The following RAVER2 variants were observed in gnomAD, a reference collection of about 807,000 sequenced individuals.
RAVER2 encodes ribonucleoprotein, PTB binding 2, also known as ribonucleoprotein PTB-binding 2.
In RAVER2, 46 loss-of-function variants were observed where a neutral mutation model predicts 78.1. That is an observed-to-expected ratio of 0.59 (90% CI 0.46 to 0.75). The LOEUF (loss-of-function observed/expected upper bound fraction) is 0.75. Among genes scored for constraint, RAVER2 ranks in the 30% least tolerant of loss-of-function variants. The pLI is 0.00. For synonymous variants in RAVER2, 311 were observed against 313.3 expected (o/e 0.99, Z 0.08); for missense variants, 793 against 837.5 (o/e 0.95, Z 0.66).
chr1:64,805,096 G>A (rs915786532), exon 8 of RAVER2: 3 of 1,612,952 alleles, frequency 1.9e-6, no homozygotes, highest in Non-Finnish European at 2.5e-6. Context: ...TCATGGAGAA[G>A]CACATAAAAG....
intron 4 of RAVER2, 63 bp downstream of exon 4, chr1:64,781,634 C>G: frequency 2.1e-6 from 3 of 1,446,470 alleles, no homozygotes; most frequent in Non-Finnish European, 2.8e-6. Flanking sequence ...CTATTTTAAT[C>G]TATCCAGTCT....
At chr1:64,755,831 T>C (rs1008181155) in intron 1 of RAVER2, among the ~76,000 whole-genome samples, 2 of 137,208 alleles carry the variant, frequency 1.5e-5, no homozygotes, top group African/African-American at 5.5e-5. Context: ...TTTGAAATAA[T>C]CTCAGACTTA....
intron 3 of RAVER2, among the ~76,000 whole-genome samples, chr1:64,779,468 A>G (rs776927807): frequency 8.0e-4 from 122 of 152,028 alleles, no homozygotes; most frequent in Non-Finnish European, 6.6e-4. Flanking sequence ...TCCTAGGTTC[A>G]AGCGATCTTC....
At chr1:64,817,943 T>C (rs1191594579) in intron 11 of RAVER2, among the ~76,000 whole-genome samples, 1 of 152,214 alleles carries the variant, frequency 6.6e-6, no homozygotes, top group African/African-American at 2.4e-5. Flanking sequence ...ACCTTCATTA[T>C]ACAAATGGAG....
intron 2 of RAVER2, among the ~76,000 whole-genome samples, chr1:64,774,301 A>C (rs1652402561): frequency 6.6e-6 from 1 of 152,066 alleles, no homozygotes; most frequent in Non-Finnish European, 1.5e-5. Flanking sequence ...TAGGGTTTTT[A>C]TGGTTTTAGG....
chr1:64,829,465 G>A (rs1654074562), intron 11 of RAVER2, among the ~76,000 whole-genome samples: 1 of 152,174 alleles, frequency 6.6e-6, no homozygotes, highest in African/African-American at 2.4e-5. Context: ...ACCAGCGAAG[G>A]GGCCCTAATG....
chr1:64,768,699 A>G, exon 2 of RAVER2: 1 of 1,560,566 alleles, frequency 6.4e-7, no homozygotes, highest in Non-Finnish European at 8.8e-7. Flanking sequence ...AAATATTGTT[A>G]TGTGGACAGA....
chr1:64,798,776 G>A (rs1200828513), intron 5 of RAVER2, among the ~76,000 whole-genome samples: 2 of 151,944 alleles, frequency 1.3e-5, no homozygotes, highest in Non-Finnish European at 2.9e-5. Flanking sequence ...CTCCACTCAA[G>A]TTTTTTTCCA....
chr1:64,771,357 G>A (rs1330764743), intron 2 of RAVER2, among the ~76,000 whole-genome samples: 1 of 151,636 alleles, frequency 6.6e-6, no homozygotes, highest in African/African-American at 2.4e-5. Context: ...AAATAGAGAT[G>A]TTTTTCAGTC....
intron 7 of RAVER2, 57 bp from the exon 8 acceptor site, chr1:64,804,934 C>T (rs988054026): frequency 4.5e-6 from 7 of 1,558,314 alleles, no homozygotes; most frequent in Non-Finnish European, 5.3e-6. Context: ...ACGTGTGTAG[C>T]TTTTTTTAGG....
exon 12 of RAVER2, chr1:64,832,936 C>CAAA (rs1654206321): frequency 9.7e-6 from 1 of 102,976 alleles, no homozygotes; most frequent in African/African-American, 8.9e-5. Context: ...AACAGAGCTG[C>CAAA]AAAAAGTCAG....
chr1:64,779,992 G>A (rs1652584994), intron 3 of RAVER2, among the ~76,000 whole-genome samples: 1 of 151,972 alleles, frequency 6.6e-6, no homozygotes. Flanking sequence ...TACTGATGCC[G>A]TGGACTTAAA....
At chr1:64,812,921 T>C in intron 10 of RAVER2, 72 bp downstream of exon 10, 1 of 1,165,204 alleles carries the variant, frequency 8.6e-7, no homozygotes, top group South Asian at 1.8e-5. Context: ...TACTTTAATT[T>C]TTGACTTCAT....
chr1:64,759,971 A>G (rs1308288785), intron 1 of RAVER2, among the ~76,000 whole-genome samples: 1 of 152,204 alleles, frequency 6.6e-6, no homozygotes, highest in African/African-American at 2.4e-5. Context: ...ACTTTCTGCT[A>G]GATATTGTGC....
intron 11 of RAVER2, among the ~76,000 whole-genome samples, chr1:64,820,345 T>TTC (rs1313177803): frequency 1.3e-5 from 2 of 152,206 alleles, no homozygotes; most frequent in Non-Finnish European, 2.9e-5. Context: ...TGAACAGTAG[T>TTC]AATAATTATA....
At chr1:64,776,438 C>G (rs1274455287) in intron 2 of RAVER2, among the ~76,000 whole-genome samples, 1 of 152,178 alleles carries the variant, frequency 6.6e-6, no homozygotes, top group Non-Finnish European at 1.5e-5. Flanking sequence ...GTGAGATGCT[C>G]TTACTCTGAG....
chr1:64,806,744 T>G (rs929577166), intron 8 of RAVER2, among the ~76,000 whole-genome samples: 2 of 152,218 alleles, frequency 1.3e-5, no homozygotes, highest in African/African-American at 4.8e-5. Context: ...ACCAAATTTA[T>G]TATTGGAGTC....
intron 1 of RAVER2, among the ~76,000 whole-genome samples, chr1:64,762,120 A>G (rs908692168): frequency 1.3e-5 from 2 of 152,248 alleles, no homozygotes; most frequent in African/African-American, 4.8e-5. Context: ...ATATTTCTGT[A>G]TACTAGCAAT....
chr1:64,805,461 AT>A (rs1263267239), intron 8 of RAVER2, among the ~76,000 whole-genome samples: 1 of 152,144 alleles, frequency 6.6e-6, no homozygotes, highest in African/African-American at 2.4e-5. Context: ...ATTCACTTTT[AT>A]TTTTTAAAAT....
Sources: gnomAD v4.1 joint callset for allele counts (sites outside exome capture counted in the v4.1 genomes callset) on GRCh38, gnomAD v4.1.1 for gene constraint, MANE v1.5 for transcripts, NCBI Gene and HGNC (gene_info 2026-07-23, HGNC 2026-07-21) for gene names.